CA10: variants seen among roughly 807,000 people sequenced by gnomAD.
CA10 encodes the protein carbonic anhydrase 10 (inactive), also known as carbonic anhydrase-related protein 10.
A neutral mutation model predicts 44.2 loss-of-function variants in CA10; 14 were observed. The observed-to-expected ratio is 0.32, with a 90% CI of 0.21 to 0.50. CA10 has a LOEUF of 0.50. Among genes scored for constraint, CA10 ranks in the 20% least tolerant of loss-of-function variants. The pLI is 0.99. For synonymous variants in CA10, 159 were observed against 141.6 expected, an observed-to-expected ratio of 1.12 and a Z score of -0.87; for missense variants, 350 against 409.7, an observed-to-expected ratio of 0.85 and a Z score of 1.26.
chr17:51,813,447 G>T (rs1279178077), intron 3 of CA10, among the ~76,000 whole-genome samples: 2 of 152,220 alleles, frequency 1.3e-5, no homozygotes, highest in Non-Finnish European at 2.9e-5. Flanking sequence ...TGTGAAATAA[G>T]AAGTGGTCAG....
chr17:52,011,715 T>C (rs919812277), intron 2 of CA10, among the ~76,000 whole-genome samples: 7 of 152,006 alleles, frequency 4.6e-5, no homozygotes, highest in African/African-American at 7.2e-5. Context: ...ATAAGTGATA[T>C]GACCCAGGAA....
intron 2 of CA10, among the ~76,000 whole-genome samples, chr17:52,065,051 A>G (rs1341163248): frequency 6.6e-6 from 1 of 152,060 alleles, no homozygotes; most frequent in Non-Finnish European, 1.5e-5. Context: ...CCAATCTCCA[A>G]CCATTTTGCA....
intron 2 of CA10, among the ~76,000 whole-genome samples, chr17:52,051,366 T>G (rs1436010899): frequency 6.6e-6 from 1 of 150,852 alleles, no homozygotes. Context: ...CCAGACAACC[T>G]ACAGAATGGG....
intron 1 of CA10, among the ~76,000 whole-genome samples, chr17:52,082,782 T>C (rs1258411120): frequency 6.6e-6 from 1 of 152,220 alleles, no homozygotes; most frequent in African/African-American, 2.4e-5. Flanking sequence ...TTCTGACAAA[T>C]AGGCAACTTA....
intron 3 of CA10, among the ~76,000 whole-genome samples, chr17:51,930,733 G>C (rs1027906611): frequency 6.6e-6 from 1 of 152,052 alleles, no homozygotes. Flanking sequence ...TCCTTTATGG[G>C]GGTACCAAGG....
intron 4 of CA10, among the ~76,000 whole-genome samples, chr17:51,724,481 C>T (rs1916451082): frequency 6.6e-6 from 1 of 152,124 alleles, no homozygotes; most frequent in African/African-American, 2.4e-5. Flanking sequence ...TAAAAGAGGC[C>T]CAACCACTTC....
intron 4 of CA10, among the ~76,000 whole-genome samples, chr17:51,720,159 G>A (rs1567816591): frequency 6.6e-6 from 1 of 152,188 alleles, no homozygotes; most frequent in East Asian, 1.9e-4. Flanking sequence ...ATGTAGGCAG[G>A]AGGAATCTTA....
chr17:51,811,322 G>C (rs1321401949), intron 3 of CA10, among the ~76,000 whole-genome samples: 2 of 152,058 alleles, frequency 1.3e-5, no homozygotes, highest in African/African-American at 4.8e-5. Flanking sequence ...TAAGTTCTAG[G>C]GTACATGTGC....
In CA10 at chr17:51,927,528, T is replaced by A. The variant is rs537312135; in HGVS notation, c.279+3462A>T. On this transcript the variant is annotated intron_variant, in intron 3 of 8. Coordinates refer to ENST00000451037, the MANE Select transcript of CA10 (RefSeq NM_020178.5). ...AGCAAATATCTATATTCCAAAATAA[T>A]TGATTGAAGTTATCCATATTTTACT... Among the ~76,000 whole-genome samples, 3 of 152,280 alleles carry A rather than the reference T, an allele frequency of 2.0e-5. No homozygotes were observed. In the East Asian group the frequency reaches 5.8e-4, roughly 29 times the overall value.
chr17:51,951,109 C>G (rs1278281852), intron 2 of CA10, among the ~76,000 whole-genome samples: 1 of 152,048 alleles, frequency 6.6e-6, no homozygotes, highest in African/African-American at 2.4e-5. Flanking sequence ...AATACATATC[C>G]CTGATTATTT....
chr17:51,979,142 A>T (rs2144083866), intron 2 of CA10, among the ~76,000 whole-genome samples: 1 of 151,972 alleles, frequency 6.6e-6, no homozygotes, highest in East Asian at 1.9e-4. Flanking sequence ...CTCCAGATAT[A>T]ATTTCCGTGA....
intron 2 of CA10, among the ~76,000 whole-genome samples, chr17:52,000,863 G>A (rs1489273625): frequency 1.4e-5 from 2 of 147,330 alleles, no homozygotes; most frequent in Non-Finnish European, 3.0e-5. Context: ...CAAGTTAAAC[G>A]GTAATGAGGA....
intron 4 of CA10, among the ~76,000 whole-genome samples, chr17:51,684,515 C>G (rs1182913635): frequency 6.6e-6 from 1 of 152,106 alleles, no homozygotes; most frequent in Non-Finnish European, 1.5e-5. Flanking sequence ...TGCCAGCCTC[C>G]CAAATCATTT....
chr17:52,040,519 A>G (rs1452943863), intron 2 of CA10, among the ~76,000 whole-genome samples: 1 of 152,102 alleles, frequency 6.6e-6, no homozygotes, highest in African/African-American at 2.4e-5. Context: ...CATGCCTTAA[A>G]CAATTAGATA....
At chr17:51,860,050 A>T (rs931191691) in intron 3 of CA10, among the ~76,000 whole-genome samples, 2 of 152,186 alleles carry the variant, frequency 1.3e-5, no homozygotes, top group African/African-American at 4.8e-5. Flanking sequence ...AGATTTACTT[A>T]TTCCTGATTT....
chr17:51,926,403 G>A (rs1010989632), intron 3 of CA10, among the ~76,000 whole-genome samples: 1 of 152,220 alleles, frequency 6.6e-6, no homozygotes, highest in African/African-American at 2.4e-5. Flanking sequence ...TAGTAAACCA[G>A]TATAATCTTT....
At chr17:51,964,802 C>A (rs1315408293) in intron 2 of CA10, among the ~76,000 whole-genome samples, 1 of 151,796 alleles carries the variant, frequency 6.6e-6, no homozygotes, top group Non-Finnish European at 1.5e-5. Flanking sequence ...ACCTCAAAAA[C>A]TTAGATCTCA....
intron 2 of CA10, among the ~76,000 whole-genome samples, chr17:52,022,740 G>T (rs1433591891): frequency 1.3e-5 from 2 of 151,900 alleles, no homozygotes; most frequent in Non-Finnish European, 2.9e-5. Flanking sequence ...TCCTAAAACT[G>T]ATAAACAACT....
At chr17:51,852,470 G>T (rs28576550) in intron 3 of CA10, among the ~76,000 whole-genome samples, 9 of 152,114 alleles carry the variant, frequency 5.9e-5, no homozygotes, top group Non-Finnish European at 8.8e-5. Flanking sequence ...CTAGGCACTT[G>T]CTTATATGTT....
Sources: gnomAD v4.1 joint callset for allele counts (sites outside exome capture counted in the v4.1 genomes callset) on GRCh38, gnomAD v4.1.1 for gene constraint, MANE v1.5 for transcripts, NCBI Gene and HGNC (gene_info 2026-07-23, HGNC 2026-07-21) for gene names.